PCDHA3: variants seen among roughly 807,000 people sequenced by gnomAD.
PCDHA3 encodes the protein protocadherin alpha-3.
In PCDHA3, 41 loss-of-function variants were observed where a neutral mutation model predicts 62.2. The observed-to-expected ratio is 0.66, with a 90% CI of 0.51 to 0.86. PCDHA3 has a LOEUF of 0.86. Among genes scored for constraint, PCDHA3 ranks in the 40% least tolerant of loss-of-function variants. The pLI is 0.00. For synonymous variants in PCDHA3, 640 were observed against 555.4 expected (o/e 1.15, Z -2.14); for missense variants, 1,304 against 1,241.2 (o/e 1.05, Z -0.76).
At position 140,801,226 on chromosome 5, in the gene PCDHA3, G is replaced by A. The variant is rs143390889; in HGVS notation, c.29G>A (p.Gly10Glu). The change falls in exon 1 of 4, where the codon GGA becomes GAA. Residue 10 changes from glycine to glutamate, a missense_variant. Coordinates refer to ENST00000522353, the MANE Select transcript of PCDHA3 (RefSeq NM_018906.3). MLFSWREDP[G>E]AQCLLLSLLL... ...TTGTTCTCCTGGCGAGAAGATCCTG[G>A]AGCCCAGTGCCTGCTGCTTTCTCTT... The A allele has an allele frequency of 2.5e-6, 4 of 1,610,810 alleles. No individual in the cohort carries two copies. In the African/African-American group the frequency reaches 5.3e-5, roughly 22 times the overall value.
chr5:140,891,933 C>T (rs1554185011), intron 1 of PCDHA3, among the ~76,000 whole-genome samples: 1 of 152,220 alleles, frequency 6.6e-6, no homozygotes, highest in African/African-American at 2.4e-5. Flanking sequence ...TGATCTTGGA[C>T]TTCCCCTAGG....
At chr5:140,912,312 T>C (rs2075860793) in intron 1 of PCDHA3, among the ~76,000 whole-genome samples, 1 of 151,960 alleles carries the variant, frequency 6.6e-6, no homozygotes, top group African/African-American at 2.4e-5. Flanking sequence ...TCCAGTCAAG[T>C]TGACCCTCAG....
At chr5:140,946,797 CAG>C (rs1279078142) in intron 1 of PCDHA3, among the ~76,000 whole-genome samples, 2 of 151,052 alleles carry the variant, frequency 1.3e-5, no homozygotes, top group Non-Finnish European at 3.0e-5. Context: ...CTTATAGAAG[CAG>C]AGAGTATAAC....
chr5:140,850,892 G>A (rs2041866822), intron 1 of PCDHA3: 1 of 1,577,404 alleles, frequency 6.3e-7, no homozygotes, highest in South Asian at 1.1e-5. Flanking sequence ...CTGGGAAGGT[G>A]GGTTTTTCTA....
chr5:140,873,571 TGTTTAA>T (rs141288581), intron 1 of PCDHA3, among the ~76,000 whole-genome samples: 18,659 of 152,254 alleles, frequency 0.12, 1,208 homozygotes, highest in Middle Eastern at 0.19. Flanking sequence ...CTAGTTTGGT[TGTTTAA>T]GTATTAAGCT....
In PCDHA3 at chr5:140,846,371, T is replaced by C. The variant is rs1395202174; in HGVS notation, c.2394+42780T>C. On this transcript the variant is annotated intron_variant, in intron 1 of 3. Transcript: ENST00000522353. ...CTCTTTTTTCTTTTCTTTTCTTTCTTTCTTTTTTTTTTTTTTTTTTTGAGA... is the reference window on the plus strand; with the variant it reads ...CTCTTTTTTCTTTTCTTTTCTTTCTCTCTTTTTTTTTTTTTTTTTTTGAGA... Among the ~76,000 whole-genome samples the C allele has an allele frequency of 3.6e-5, 4 of 111,996 alleles. 2 individuals carry two copies. Among genetic ancestry groups the C allele is most frequent in the Non-Finnish European group, 7.2e-5 (4 of 55,194 alleles). 73.5% of individuals were successfully genotyped at this position (111,996 alleles called of 152,430 possible).
At chr5:140,976,286 C>G (rs1554237455) in intron 1 of PCDHA3, among the ~76,000 whole-genome samples, 2 of 152,098 alleles carry the variant, frequency 1.3e-5, no homozygotes, top group African/African-American at 2.4e-5. Flanking sequence ...CACAGTGGCT[C>G]AAGCCTGTAA....
intron 1 of PCDHA3, chr5:140,843,336 G>A (rs2150357721): frequency 6.3e-7 from 1 of 1,596,074 alleles, no homozygotes; most frequent in South Asian, 1.1e-5. Context: ...CTGGTGGAGA[G>A]CGGCCAGGCT....
intron 1 of PCDHA3, chr5:140,811,498 A>G (rs1310095645): frequency 3.3e-5 from 5 of 152,218 alleles, no homozygotes; most frequent in African/African-American, 1.2e-4. Context: ...TAGTAGCATG[A>G]TTTATAATCC....
rs1328741778 is a variant in PCDHA3, at chr5:140,850,113, G to T, written c.2394+46522G>T. On this transcript the variant is annotated intron_variant, in intron 1 of 3. Transcript: ENST00000522353. ...ACAGTTCCAGGTGAGCGCGCGCGAC[G>T]CGGGCGTGCCGCCTCTGGGCAGCAA... 18 of 1,595,940 alleles carry T rather than the reference G, an allele frequency of 1.1e-5. 2 individuals are homozygous for T. Among genetic ancestry groups the T allele is most frequent in the Non-Finnish European group, 1.5e-5 (18 of 1,167,848 alleles).
intron 1 of PCDHA3, chr5:140,857,591 A>C: frequency 6.3e-7 from 1 of 1,596,270 alleles, no homozygotes; most frequent in Non-Finnish European, 8.6e-7. Flanking sequence ...GGAGAGCGGC[A>C]AGGTGTACGC....
At chr5:140,860,671 T>A (rs1339790199) in intron 1 of PCDHA3, 1 of 152,218 alleles carries the variant, frequency 6.6e-6, no homozygotes, top group Non-Finnish European at 1.5e-5. Context: ...TGAAATCAAA[T>A]GCACTTATGT....
rs1032326497 is a variant in PCDHA3, at chr5:140,858,875, C to A, written c.2394+55284C>A. ...TATCTCTTCAGTGAAAATGTGTTTT[C>A]CTCCATGTGTAGAATATGTGTAGCG... On this transcript the variant is annotated intron_variant, in intron 1 of 3. Transcript: ENST00000522353. 1.2e-5 allele frequency: 3 copies of A among 246,542 alleles called. No homozygotes were observed. The East Asian group carries it at 3.3e-4, about 27-fold the overall frequency. 15.3% of individuals were successfully genotyped at this position (246,542 alleles called of 1,614,324 possible).
intron 1 of PCDHA3, chr5:140,829,865 G>A: frequency 6.2e-7 from 1 of 1,613,946 alleles, no homozygotes; most frequent in Non-Finnish European, 8.5e-7. Context: ...CCAAGTGGTG[G>A]CGAAGGTGCG....
At chr5:140,914,065 C>CTCCA (rs2076587155) in intron 1 of PCDHA3, among the ~76,000 whole-genome samples, 1 of 152,106 alleles carries the variant, frequency 6.6e-6, no homozygotes. Flanking sequence ...GGATGAAATG[C>CTCCA]TCCATAACTA....
chr5:140,967,460 G>A, intron 1 of PCDHA3: 1 of 1,613,538 alleles, frequency 6.2e-7, no homozygotes, highest in Non-Finnish European at 8.5e-7. Context: ...AGCCGTGGAT[G>A]GGGGCATCCC....
At chr5:140,946,660 A>T (rs2094005518) in intron 1 of PCDHA3, among the ~76,000 whole-genome samples, 1 of 146,900 alleles carries the variant, frequency 6.8e-6, no homozygotes, top group African/African-American at 2.6e-5. Context: ...GCCATTAGAA[A>T]GAATGAAATC....
intron 3 of PCDHA3, among the ~76,000 whole-genome samples, chr5:140,985,957 T>A (rs2097180705): frequency 6.6e-6 from 1 of 152,084 alleles, no homozygotes. Context: ...GCCAGGATGG[T>A]CTCAATCTCC....
chr5:140,832,463 A>G (rs1009680795), intron 1 of PCDHA3, among the ~76,000 whole-genome samples: 1 of 152,236 alleles, frequency 6.6e-6, no homozygotes, highest in South Asian at 2.1e-4. Context: ...TTGCACTAAA[A>G]TTTAAAAAAA....
Sources: gnomAD v4.1 joint callset for allele counts (sites outside exome capture counted in the v4.1 genomes callset) on GRCh38, gnomAD v4.1.1 for gene constraint, MANE v1.5 for transcripts, NCBI Gene and HGNC (gene_info 2026-07-23, HGNC 2026-07-21) for gene names.